The following CD164 variants were observed in gnomAD, a reference collection of about 807,000 sequenced individuals.
CD164 encodes CD164 molecule, also known as sialomucin core protein 24.
A neutral mutation model predicts 24.6 loss-of-function variants in CD164; 11 were observed. The observed-to-expected ratio is 0.45, with a 90% CI of 0.28 to 0.74. The LOEUF is 0.74. CD164 is among the 30% of genes least tolerant of loss of function. The probability of loss-of-function intolerance (pLI) is 0.13; values close to 1 mark genes in which losing one functional copy is unlikely to be tolerated. For synonymous variants in CD164, 126 were observed against 100.3 expected (o/e 1.26, Z -1.53); for missense variants, 295 against 243.7 (o/e 1.21, Z -1.40).
intron 4 of CD164, among the ~76,000 whole-genome samples, chr6:109,375,545 A>C (rs1386575745): frequency 1.3e-5 from 2 of 150,494 alleles, no homozygotes; most frequent in Admixed American, 1.3e-4. Flanking sequence ...TGAACTTGGG[A>C]GGGGAAGGTT....
chr6:109,370,275 T>TCCC (rs770983455), intron 5 of CD164, 136 bp downstream of exon 5: 56 of 672,176 alleles, frequency 8.3e-5, no homozygotes, highest in Non-Finnish European at 1.3e-4. Flanking sequence ...ACTACCTTGA[T>TCCC]CCCCCCTAAG....
Position 109,370,404 on chromosome 6 carries a change from C to G in CD164, c.427+7G>C, listed in dbSNP as rs962845966. On this transcript the variant is annotated splice_region_variant and intron_variant, in intron 5 of 5. Coordinates refer to ENST00000310786, the MANE Select transcript of CD164 (RefSeq NM_006016.6). The stretch of plus-strand genomic sequence containing the variant: ...GCATCATTGCTAATCTAAAAAGCCT[C>G]AATTACCTGATGTAGTAACTGTCTT... 16 of 1,608,398 alleles carry G rather than the reference C, an allele frequency of 9.9e-6. No individual in the cohort carries two copies. Among genetic ancestry groups the G allele is most frequent in the Non-Finnish European group, 1.4e-5 (16 of 1,175,218 alleles).
intron 3 of CD164, 149 bp downstream of exon 3, chr6:109,377,751 C>CA: frequency 1.7e-6 from 1 of 600,136 alleles, no homozygotes; most frequent in Non-Finnish European, 3.0e-6. Context: ...TTTAATCAAT[C>CA]AATATGAATA....
chr6:109,374,607 C>T (rs1281071950), intron 4 of CD164, among the ~76,000 whole-genome samples: 3 of 152,178 alleles, frequency 2.0e-5, no homozygotes, highest in East Asian at 3.8e-4. Flanking sequence ...ATCATATGAC[C>T]TATAAACTTT....
rs575312893 is a variant in CD164 at position 109,368,444 on chromosome 6, T to C, written c.*407A>G. Reference sequence around the variant, plus strand: ...AAATGACAGCCAAAAATCCACCTAATTGATTCTCATTTGGCACGTTCTTCT... The same window carrying C: ...AAATGACAGCCAAAAATCCACCTAACTGATTCTCATTTGGCACGTTCTTCT... On this transcript the variant is annotated 3_prime_UTR_variant, in exon 6 of 6. Transcript: ENST00000310786. 2.5e-5 allele frequency: 35 copies of C among 1,398,070 alleles called. No homozygotes were observed. In the African/African-American group the frequency reaches 3.6e-4, roughly 14 times the overall value. 86.6% of individuals were successfully genotyped at this position (1,398,070 alleles called of 1,614,324 possible). A position where few individuals can be genotyped will look rare whatever the true frequency, so the allele number is the denominator to read the frequency against.
In CD164 at chr6:109,368,584, G is replaced by GA. The variant is rs1373116707; in HGVS notation, c.*266dup. 2.2e-5 allele frequency: 29 copies of GA among 1,336,502 alleles called. No individual in the cohort carries two copies. Among genetic ancestry groups the GA allele is most frequent in the South Asian group, 4.2e-5 (2 of 47,290 alleles). 82.8% of individuals were successfully genotyped at this position (1,336,502 alleles called of 1,614,324 possible). ...AGAAAGTTATATTTGGCATGTTAAG[G>GA]AAAAAAAATATAATCCCACAGCAGC... On this transcript the variant is annotated 3_prime_UTR_variant, in exon 6 of 6. Coordinates refer to ENST00000310786, the MANE Select transcript of CD164 (RefSeq NM_006016.6).
At chr6:109,379,242 C>T (rs557091298) in intron 2 of CD164, among the ~76,000 whole-genome samples, 1 of 152,260 alleles carries the variant, frequency 6.6e-6, no homozygotes, top group South Asian at 2.1e-4. Flanking sequence ...TGAGGAAGCA[C>T]GCATCTGTAG....
chr6:109,377,987 G>A lies in CD164; in HGVS notation c.260-16C>T. 1 of 1,606,282 alleles carries A rather than the reference G, an allele frequency of 6.2e-7. No individual in the cohort carries two copies. The highest frequency in any genetic ancestry group is 1.3e-5 in the African/African-American group (1 of 74,842). ...TAGCTCTCATCTGTTGGGGGGCAGG[G>A]GAAAAGAGACAAACAGCATCAACCA... On this transcript the variant is annotated splice_polypyrimidine_tract_variant and intron_variant, in intron 2 of 5. Coordinates refer to ENST00000310786, the MANE Select transcript of CD164 (RefSeq NM_006016.6).
In CD164 at chr6:109,381,294, A is replaced by G. The variant is rs114103926; in HGVS notation, c.175+910T>C. ...CTTAACCAGCCCTATGCGACTGCAC[A>G]TAACAAAAGACACGCTCCTGATCGG... On this transcript the variant is annotated intron_variant, in intron 1 of 5. Transcript: ENST00000310786. 6.2e-3 allele frequency among the ~76,000 whole-genome samples: 938 copies of G among 152,358 alleles called. 8 individuals are homozygous for G. The highest frequency in any genetic ancestry group is 0.021 in the African/African-American group (888 of 41,576).
rs772751932 is a variant in CD164, at chr6:109,377,971, T to C, written c.260A>G (p.Asp87Gly). Reference sequence around the variant, plus strand: ...TGAGTTATGTGAACAATAGCTCTCATCTGTTGGGGGGCAGGGGAAAAGAGA... The same window carrying C: ...TGAGTTATGTGAACAATAGCTCTCACCTGTTGGGGGGCAGGGGAAAAGAGA... ...NTTCFWIECK[D>G]ESYCSHNSTV... The change falls in exon 3 of 6, where the codon GAT becomes GGT. Residue 87 changes from aspartate to glycine, a missense_variant and splice_region_variant. Asp to Gly is a moderately conservative substitution (Grantham distance 94). Coordinates refer to ENST00000310786, the MANE Select transcript of CD164 (RefSeq NM_006016.6). 17 of 1,612,448 alleles carry C rather than the reference T, an allele frequency of 1.1e-5. No individual in the cohort carries two copies. The highest frequency in any genetic ancestry group is 1.4e-5 in the Non-Finnish European group (16 of 1,179,132).
At chr6:109,372,082 GAA>G (rs1771107017) in intron 4 of CD164, 1 of 152,144 alleles carries the variant, frequency 6.6e-6, no homozygotes, top group Admixed American at 6.5e-5. Context: ...CTTAACCCAC[GAA>G]AGACAGGGAA....
chr6:109,381,446 G>C, intron 1 of CD164: 1 of 699,398 alleles, frequency 1.4e-6, no homozygotes, highest in Non-Finnish European at 2.6e-6. Flanking sequence ...AACATACAAT[G>C]TCAGGAGAGT....
At chr6:109,381,548 T>A (rs974408311) in intron 1 of CD164, 1 of 702,622 alleles carries the variant, frequency 1.4e-6, no homozygotes, top group Admixed American at 2.0e-5. Flanking sequence ...ACCCGGTACA[T>A]ACATGGGTAC....
intron 5 of CD164, 70 bp from the exon 6 acceptor site, chr6:109,369,087 C>T (rs1395648520): frequency 7.5e-7 from 1 of 1,335,792 alleles, no homozygotes; most frequent in Admixed American, 2.3e-5. Flanking sequence ...AAAGATGCAC[C>T]TGAGCCTCTA....
At position 109,381,870 on chromosome 6, in the gene CD164, C is replaced by A. The variant is rs947993950; in HGVS notation, c.175+334G>T. On this transcript the variant is annotated intron_variant, in intron 1 of 5. Transcript: ENST00000310786. ...ATCCTCAACCCCACCGCTGCCCCCG[C>A]GGAAGGAAGCCACGTCCCCATTTCC... 35 of 478,726 alleles carry A rather than the reference C, an allele frequency of 7.3e-5. No homozygotes were observed. The East Asian group carries it at 1.2e-3, about 16-fold the overall frequency. 29.7% of individuals were successfully genotyped at this position (478,726 alleles called of 1,614,324 possible). A position where few individuals can be genotyped will look rare whatever the true frequency, so the allele number is the denominator to read the frequency against.
chr6:109,368,461 C>T lies in CD164; in HGVS notation c.*390G>A, dbSNP rs967558599. ...CCACCTAATTGATTCTCATTTGGCA[C>T]GTTCTTCTCAATTCTGTTCACTAAA... On this transcript the variant is annotated 3_prime_UTR_variant, in exon 6 of 6. Coordinates refer to ENST00000310786, the MANE Select transcript of CD164 (RefSeq NM_006016.6). The T allele has an allele frequency of 5.1e-6, 7 of 1,385,390 alleles. No homozygotes were observed. The highest frequency in any genetic ancestry group is 3.4e-5 in the Admixed American group (1 of 29,014). 85.8% of individuals were successfully genotyped at this position (1,385,390 alleles called of 1,614,324 possible).
chr6:109,367,243 C>T lies in CD164; in HGVS notation c.*1608G>A, dbSNP rs1582461907. On this transcript the variant is annotated 3_prime_UTR_variant, in exon 6 of 6. Transcript: ENST00000310786. The stretch of plus-strand genomic sequence containing the variant: ...TGTACAAATGTGCAAGTAAAACAAA[C>T]AGCTGTACCAACGAGTAACAAAGAA... 6.6e-6 allele frequency: 1 copy of T among 152,572 alleles called. No individual in the cohort carries two copies. The highest frequency in any genetic ancestry group is 2.1e-4 in the South Asian group (1 of 4,836). The allele number at this position is 152,572 out of a possible 1,614,324, so 9.5% of individuals were successfully genotyped here.
At chr6:109,370,810 T>C (rs1159987514) in intron 4 of CD164, 3 of 203,758 alleles carry the variant, frequency 1.5e-5, no homozygotes, top group Non-Finnish European at 2.9e-5. Flanking sequence ...TTCTTCATAA[T>C]CTTTCTCCTA....
chr6:109,381,430 A>G (rs1771735425), intron 1 of CD164: 2 of 686,970 alleles, frequency 2.9e-6, no homozygotes, highest in Admixed American at 4.3e-5. Flanking sequence ...AATTGAAAAA[A>G]GAATAAACAT....
Sources: allele counts gnomAD v4.1 joint callset (sites outside exome capture counted in the v4.1 genomes callset), GRCh38; gene constraint gnomAD v4.1.1; transcripts MANE v1.5; gene names NCBI Gene and HGNC (gene_info 2026-07-23, HGNC 2026-07-21).